Variants in SOX6 observed in about 807,000 individuals in gnomAD.
SOX6 encodes SRY-box transcription factor 6, also known as transcription factor SOX-6.
Under a neutral mutation model 97.8 loss-of-function variants are expected in SOX6, and 11 were observed. The ratio of observed to expected loss-of-function variants is 0.11; its 90% CI spans 0.07 to 0.19. The LOEUF (loss-of-function observed/expected upper bound fraction) is 0.19. SOX6 is among the 10% of genes least tolerant of loss of function. The pLI is 1.00. For missense variants in SOX6, 810 were observed against 1,039.5 expected (o/e 0.78, Z 3.04); for synonymous variants, 360 against 371.4 (o/e 0.97, Z 0.35).
chr11:16,686,886 C>T (rs1469912978), intron 3 of SOX6, among the ~76,000 whole-genome samples: 1 of 152,106 alleles, frequency 6.6e-6, no homozygotes, highest in Admixed American at 6.5e-5. Flanking sequence ...TCGCTTGAAC[C>T]CGGGAGGCAG....
intron 2 of SOX6, among the ~76,000 whole-genome samples, chr11:16,718,996 A>AAG (rs1218850509): frequency 5.3e-5 from 8 of 150,714 alleles, no homozygotes; most frequent in African/African-American, 1.7e-4. Flanking sequence ...AAAAAAAAAA[A>AAG]AGAGAGAGAC....
At chr11:16,296,015 G>A (rs1387796333) in intron 3 of SOX6, among the ~76,000 whole-genome samples, 1 of 152,094 alleles carries the variant, frequency 6.6e-6, no homozygotes, top group South Asian at 2.1e-4. Flanking sequence ...GGGCAAAGAT[G>A]AAGGTCCTTT....
chr11:16,299,176 C>T (rs947321436), intron 3 of SOX6, among the ~76,000 whole-genome samples: 4 of 152,056 alleles, frequency 2.6e-5, no homozygotes, highest in South Asian at 2.1e-4. Flanking sequence ...AATATGTTAT[C>T]ACTGATAAAC....
chr11:15,983,631 A>C (rs1853738494), intron 15 of SOX6, among the ~76,000 whole-genome samples: 2 of 152,116 alleles, frequency 1.3e-5, no homozygotes, highest in Admixed American at 6.6e-5. Flanking sequence ...TATCAACTAC[A>C]ACTACTTAAA....
intron 4 of SOX6, among the ~76,000 whole-genome samples, chr11:16,514,773 A>T (rs1860940483): frequency 7.0e-6 from 1 of 143,248 alleles, no homozygotes. Flanking sequence ...TTCAATTGCC[A>T]CCTATGAGTG....
At chr11:16,266,997 A>G (rs1451123395) in intron 3 of SOX6, among the ~76,000 whole-genome samples, 1 of 608 alleles carries the variant, frequency 1.6e-3, no homozygotes, top group Admixed American at 0.062. Flanking sequence ...CGTATGTAAA[A>G]GAATGAAACT....
chr11:16,039,766 G>C (rs749430313), intron 12 of SOX6, among the ~76,000 whole-genome samples: 1 of 151,906 alleles, frequency 6.6e-6, no homozygotes, highest in Non-Finnish European at 1.5e-5. Flanking sequence ...ATTTGTTATT[G>C]TTATCTTAAA....
intron 1 of SOX6, among the ~76,000 whole-genome samples, chr11:16,371,033 G>A (rs1353140898): frequency 6.6e-6 from 1 of 152,044 alleles, no homozygotes; most frequent in Admixed American, 6.6e-5. Flanking sequence ...TGCTCAAAAT[G>A]TTCCAATGGC....
At chr11:16,151,917 G>A (rs1850468192) in intron 6 of SOX6, among the ~76,000 whole-genome samples, 1 of 152,146 alleles carries the variant, frequency 6.6e-6, no homozygotes, top group African/African-American at 2.4e-5. Context: ...TTTGGTATGA[G>A]AACTTTATTT....
At chr11:16,639,072 A>G (rs1451575792) in intron 3 of SOX6, among the ~76,000 whole-genome samples, 1 of 152,172 alleles carries the variant, frequency 6.6e-6, no homozygotes, top group African/African-American at 2.4e-5. Flanking sequence ...TTAAGTCTTT[A>G]ATCCATCTTA....
At chr11:16,119,120 A>C (rs1429767583) in intron 6 of SOX6, among the ~76,000 whole-genome samples, 1 of 152,184 alleles carries the variant, frequency 6.6e-6, no homozygotes, top group Non-Finnish European at 1.5e-5. Flanking sequence ...ACTCATTTGC[A>C]TAAAGTATTA....
At chr11:16,375,945 G>A (rs553480666) in intron 1 of SOX6, among the ~76,000 whole-genome samples, 10 of 152,138 alleles carry the variant, frequency 6.6e-5, no homozygotes, top group South Asian at 2.1e-4. Context: ...ATCAAACACC[G>A]CATGTTCTCA....
chr11:16,337,452 AAAT>A (rs746857561), intron 2 of SOX6, among the ~76,000 whole-genome samples: 55 of 152,256 alleles, frequency 3.6e-4, no homozygotes, highest in East Asian at 3.9e-4. Flanking sequence ...TTAACATCAA[AAAT>A]AATAATATCC....
At chr11:16,145,223 CA>C (rs766481705) in intron 6 of SOX6, among the ~76,000 whole-genome samples, 114 of 152,260 alleles carry the variant, frequency 7.5e-4, no homozygotes, top group African/African-American at 2.2e-3. Flanking sequence ...CGGAATCCAG[CA>C]TATAAACAGA....
At chr11:16,334,598 T>C (rs1000775502) in intron 2 of SOX6, among the ~76,000 whole-genome samples, 3 of 152,070 alleles carry the variant, frequency 2.0e-5, no homozygotes, top group African/African-American at 7.2e-5. Context: ...TGGCTAATTT[T>C]TGTATTTTTA....
upstream of SOX6, among the ~76,000 whole-genome samples, chr11:16,360,488 C>T (rs1192098240): frequency 6.6e-6 from 1 of 152,104 alleles, no homozygotes; most frequent in Non-Finnish European, 1.5e-5. Flanking sequence ...TTGTTTCCTC[C>T]TATATGTTTA....
chr11:16,453,090 C>T (rs1230442884), intron 1 of SOX6, among the ~76,000 whole-genome samples: 2 of 152,126 alleles, frequency 1.3e-5, no homozygotes, highest in South Asian at 2.1e-4. Flanking sequence ...ATTTTTATTC[C>T]CATACTCCTG....
intron 4 of SOX6, among the ~76,000 whole-genome samples, chr11:16,209,584 C>T (rs533445545): frequency 2.7e-4 from 41 of 152,114 alleles, no homozygotes; most frequent in African/African-American, 8.9e-4. Context: ...GGCAAAACCC[C>T]GTCTCTACTA....
intron 4 of SOX6, among the ~76,000 whole-genome samples, chr11:16,562,096 G>A (rs1171431033): frequency 1.3e-5 from 2 of 152,092 alleles, no homozygotes; most frequent in Non-Finnish European, 2.9e-5. Context: ...ATATAATAAT[G>A]TGATTCCTCT....
Sources: allele counts gnomAD v4.1 joint callset (sites outside exome capture counted in the v4.1 genomes callset), GRCh38; gene constraint gnomAD v4.1.1; transcripts MANE v1.5; gene names NCBI Gene and HGNC (gene_info 2026-07-23, HGNC 2026-07-21).